The following CSMD1 variants were observed in gnomAD, a reference collection of about 807,000 sequenced individuals.
The protein encoded by CSMD1 is CUB and Sushi multiple domains 1.
CSMD1 carries 213 observed loss-of-function variants against 417.5 expected under a neutral mutation model. The observed-to-expected ratio is 0.51, with a 90% confidence interval of 0.46 to 0.57. The LOEUF is 0.57. Ranked by LOEUF, CSMD1 falls within the 20% of genes least tolerant of loss-of-function variation. The probability of loss-of-function intolerance (pLI) is 0.00; values close to 1 mark genes in which losing one functional copy is unlikely to be tolerated. For synonymous variants in CSMD1, 2,862 were observed against 1,736.8 expected (o/e 1.65, Z -16.11); for missense variants, 6,923 against 4,529.7 (o/e 1.53, Z -15.17).
At chr8:3,293,340 T>G (rs1391606210) in intron 25 of CSMD1, among the ~76,000 whole-genome samples, 1 of 152,170 alleles carries the variant, frequency 6.6e-6, no homozygotes, top group African/African-American at 2.4e-5. Flanking sequence ...CTTTGTGGCG[T>G]TCTCTGGATT....
chr8:4,568,774 C>T (rs1798741965), intron 2 of CSMD1, among the ~76,000 whole-genome samples: 1 of 152,172 alleles, frequency 6.6e-6, no homozygotes, highest in African/African-American at 2.4e-5. Context: ...ATAACCTCTC[C>T]AGCATCTGTT....
At chr8:4,329,371 C>T (rs1483792439) in intron 3 of CSMD1, among the ~76,000 whole-genome samples, 2 of 152,156 alleles carry the variant, frequency 1.3e-5, no homozygotes, top group African/African-American at 4.8e-5. Flanking sequence ...TCACTTTAAC[C>T]TCTGTCTCCC....
At chr8:3,952,236 T>C (rs996927780) in intron 5 of CSMD1, among the ~76,000 whole-genome samples, 2 of 152,112 alleles carry the variant, frequency 1.3e-5, no homozygotes, top group Non-Finnish European at 2.9e-5. Context: ...TAAGATGGTA[T>C]GGGCCTTCCT....
intron 7 of CSMD1, among the ~76,000 whole-genome samples, chr8:3,624,941 A>T (rs1287473724): frequency 6.6e-6 from 1 of 152,192 alleles, no homozygotes; most frequent in Admixed American, 6.5e-5. Flanking sequence ...TTCTTCAAAA[A>T]CTAATAACTT....
chr8:4,815,252 A>T (rs1799138289), intron 1 of CSMD1, among the ~76,000 whole-genome samples: 1 of 152,166 alleles, frequency 6.6e-6, no homozygotes, highest in Non-Finnish European at 1.5e-5. Context: ...CACAATTAAC[A>T]ATTTATTTGA....
chr8:3,967,221 T>A (rs1812735080), intron 5 of CSMD1, among the ~76,000 whole-genome samples: 1 of 152,204 alleles, frequency 6.6e-6, no homozygotes, highest in South Asian at 2.1e-4. Flanking sequence ...CTTCCCCACT[T>A]CAGCTATTTT....
At chr8:3,292,379 C>T (rs1178548114) in intron 25 of CSMD1, among the ~76,000 whole-genome samples, 1 of 151,960 alleles carries the variant, frequency 6.6e-6, no homozygotes, top group Admixed American at 6.6e-5. Flanking sequence ...TCCTGGGTAT[C>T]CTTGTTAACT....
intron 26 of CSMD1, among the ~76,000 whole-genome samples, chr8:3,259,586 C>T (rs1800906147): frequency 6.6e-6 from 1 of 152,156 alleles, no homozygotes; most frequent in South Asian, 2.1e-4. Flanking sequence ...AGTTGTTAAA[C>T]ATGATGTGTC....
intron 23 of CSMD1, among the ~76,000 whole-genome samples, chr8:3,310,147 G>T (rs1805211702): frequency 6.6e-6 from 1 of 152,198 alleles, no homozygotes; most frequent in African/African-American, 2.4e-5. Flanking sequence ...ATCACCTCCG[G>T]TTTCAGGGTC....
chr8:4,643,385 C>T (rs1343243022), intron 1 of CSMD1, among the ~76,000 whole-genome samples: 1 of 152,140 alleles, frequency 6.6e-6, no homozygotes, highest in African/African-American at 2.4e-5. Context: ...GATTTTTGAC[C>T]TCCAAAGCAT....
chr8:4,236,823 T>C (rs754172888), intron 3 of CSMD1, among the ~76,000 whole-genome samples: 1 of 152,142 alleles, frequency 6.6e-6, no homozygotes, highest in Admixed American at 6.5e-5. Flanking sequence ...CTATGTTGCT[T>C]TCCAAATATA....
chr8:4,498,684 C>T lies in CSMD1; in HGVS notation c.303-78619G>A, dbSNP rs1213342245. Reference sequence around the variant, plus strand: ...GAGGGAGCTCATGTTTATCGAGTACCTACTTTGTGGTTCCAGACAGTTAGC... The same window carrying T: ...GAGGGAGCTCATGTTTATCGAGTACTTACTTTGTGGTTCCAGACAGTTAGC... On this transcript the variant is annotated intron_variant, in intron 2 of 69. Transcript: ENST00000635120. Among the ~76,000 whole-genome samples the T allele has an allele frequency of 2.6e-5, 4 of 152,206 alleles. No homozygotes were observed. In the East Asian group the frequency reaches 7.7e-4, roughly 29 times the overall value.
intron 2 of CSMD1, among the ~76,000 whole-genome samples, chr8:4,497,474 G>A (rs1290060854): frequency 1.3e-5 from 2 of 152,298 alleles, no homozygotes; most frequent in East Asian, 3.9e-4. Flanking sequence ...GTGTTTCACA[G>A]TTATAACCTG....
Position 3,230,201 on chromosome 8 carries a change from C to G in CSMD1, c.4184G>C (p.Gly1395Ala). The G allele has an allele frequency of 6.2e-7, 1 of 1,607,028 alleles. No homozygotes were observed. Among genetic ancestry groups the G allele is most frequent in the East Asian group, 2.2e-5 (1 of 44,636 alleles). ...ATAGCGGGTGCCATTTTGGGGCATACCTGGATCGTTACAGGTGGCTGCAAT... is the reference window on the plus strand; with the variant it reads ...ATAGCGGGTGCCATTTTGGGGCATAGCTGGATCGTTACAGGTGGCTGCAAT... The part of the protein sequence containing the change: ...TSIAATCNDP[G>A]MPQNGTRYGD... The change falls in exon 27 of 70, where the codon GGT becomes GCT. Residue 1395 changes from glycine (G) to alanine (A), a missense_variant. Physicochemically the swap from Gly to Ala is moderately conservative, Grantham distance 60. Transcript: ENST00000635120.
chr8:4,554,386 C>T (rs970139923), intron 2 of CSMD1, among the ~76,000 whole-genome samples: 1 of 152,208 alleles, frequency 6.6e-6, no homozygotes, highest in Non-Finnish European at 1.5e-5. Flanking sequence ...ATCTACCTGC[C>T]TCGGCCTCCC....
intron 1 of CSMD1, among the ~76,000 whole-genome samples, chr8:4,961,763 T>C (rs1009047267): frequency 1.3e-5 from 2 of 152,160 alleles, no homozygotes; most frequent in African/African-American, 2.4e-5. Flanking sequence ...AATCTAGCAA[T>C]TTCTGTCCAT....
At position 4,877,496 on chromosome 8, in the gene CSMD1, T is replaced by C. The variant is rs140176494; in HGVS notation, c.85+116836A>G. On this transcript the variant is annotated intron_variant, in intron 1 of 69. Coordinates refer to ENST00000635120, the MANE Select transcript of CSMD1 (RefSeq NM_033225.6). Reference sequence around the variant, plus strand: ...TGCTATTTCAAAGTAGCTCCTAAAATCTCTTCCCGATCCCCTAAACTTCCT... The same window carrying C: ...TGCTATTTCAAAGTAGCTCCTAAAACCTCTTCCCGATCCCCTAAACTTCCT... Among the ~76,000 whole-genome samples, 512 of 152,150 alleles carry C rather than the reference T, an allele frequency of 3.4e-3. 4 individuals are homozygous for C. The highest frequency in any genetic ancestry group is 0.031 in the Middle Eastern group (9 of 294).
At chr8:4,190,531 TAC>T (rs984328475) in intron 3 of CSMD1, among the ~76,000 whole-genome samples, 55 of 131,772 alleles carry the variant, frequency 4.2e-4, no homozygotes, top group African/African-American at 1.2e-3. Flanking sequence ...AAATTTTACA[TAC>T]ACATATAAGC....
At chr8:4,654,991 C>A (rs1475234624) in intron 1 of CSMD1, among the ~76,000 whole-genome samples, 3 of 148,182 alleles carry the variant, frequency 2.0e-5, no homozygotes, top group Admixed American at 6.7e-5. Flanking sequence ...AATAACTAAC[C>A]ATTGTTTGAA....
Sources: gnomAD v4.1 joint callset for allele counts (sites outside exome capture counted in the v4.1 genomes callset) on GRCh38, gnomAD v4.1.1 for gene constraint, MANE v1.5 for transcripts, NCBI Gene and HGNC (gene_info 2026-07-23, HGNC 2026-07-21) for gene names.